UMAD1: variants seen among roughly 807,000 people sequenced by gnomAD.
UMAD1 encodes UBAP1-MVB12-associated (UMA) domain containing 1.
A neutral mutation model predicts 6.1 loss-of-function variants in UMAD1; 8 were observed. The observed-to-expected ratio is 1.30, with a 90% CI of 0.76 to 2.35. The LOEUF is 2.35. UMAD1 is among the 30% of genes most tolerant of loss of function. The probability of loss-of-function intolerance (pLI) is 0.00; values close to 1 mark genes in which losing one functional copy is unlikely to be tolerated. For synonymous variants in UMAD1, 56 were observed against 31.4 expected, an observed-to-expected ratio of 1.78 and a Z score of -2.61; for missense variants, 130 against 78.4, an observed-to-expected ratio of 1.66 and a Z score of -2.49.
At chr7:7,690,239 A>C (rs1305038393) in intron 2 of UMAD1, among the ~76,000 whole-genome samples, 1 of 152,174 alleles carries the variant, frequency 6.6e-6, no homozygotes, top group African/African-American at 2.4e-5. Flanking sequence ...ACATATTTGG[A>C]AATGTATTTC....
At chr7:7,819,545 A>G (rs560936860) in intron 3 of UMAD1, among the ~76,000 whole-genome samples, 2 of 152,314 alleles carry the variant, frequency 1.3e-5, no homozygotes, top group South Asian at 2.1e-4. Context: ...GAGGAGGGCC[A>G]TTTTGAGTTG....
intron 1 of UMAD1, among the ~76,000 whole-genome samples, chr7:7,670,158 A>G (rs1268862271): frequency 6.6e-6 from 1 of 152,182 alleles, no homozygotes; most frequent in Non-Finnish European, 1.5e-5. Flanking sequence ...ACTACACTTG[A>G]GTTTAGTCTG....
At chr7:7,779,125 T>C (rs992333092) in intron 2 of UMAD1, among the ~76,000 whole-genome samples, 1 of 152,192 alleles carries the variant, frequency 6.6e-6, no homozygotes, top group African/African-American at 2.4e-5. Context: ...TCACCTAGGT[T>C]TCATTTGCCC....
In UMAD1 at chr7:7,794,797, C is replaced by T. The variant is rs556425117; in HGVS notation, c.83-6873C>T. 2.0e-5 allele frequency among the ~76,000 whole-genome samples: 3 copies of T among 152,262 alleles called. No individual in the cohort carries two copies. The South Asian group carries it at 6.2e-4, about 32-fold the overall frequency. ...GGGAGATTACATCCGTAGAGAATCT[C>T]CTTCCCTTTCTAGATCTTTCCCAGA... On this transcript the variant is annotated intron_variant, in intron 2 of 3. Coordinates refer to ENST00000682710, the MANE Select transcript of UMAD1 (RefSeq NM_001302348.2).
intron 2 of UMAD1, among the ~76,000 whole-genome samples, chr7:7,782,295 A>G (rs185276104): frequency 6.6e-6 from 1 of 152,088 alleles, no homozygotes; most frequent in African/African-American, 2.4e-5. Flanking sequence ...TTTCTCACGT[A>G]TTCTCATATA....
chr7:7,829,394 C>CGACT (rs1783417086), intron 3 of UMAD1, among the ~76,000 whole-genome samples: 1 of 152,134 alleles, frequency 6.6e-6, no homozygotes, highest in African/African-American at 2.4e-5. Flanking sequence ...AATTTTTAAG[C>CGACT]ATCTACTTTG....
chr7:7,796,415 C>T (rs1040476919), intron 2 of UMAD1, among the ~76,000 whole-genome samples: 4 of 151,834 alleles, frequency 2.6e-5, no homozygotes, highest in Admixed American at 2.6e-4. Context: ...CCGCACCCGG[C>T]TAATTTTGCA....
chr7:7,703,173 C>A lies in UMAD1; in HGVS notation c.82+29720C>A, dbSNP rs886539526. Among the ~76,000 whole-genome samples the A allele has an allele frequency of 4.6e-5, 7 of 152,220 alleles. No individual in the cohort carries two copies. The East Asian group carries it at 1.2e-3, about 25-fold the overall frequency. On this transcript the variant is annotated intron_variant, in intron 2 of 3. Coordinates refer to ENST00000682710, the MANE Select transcript of UMAD1 (RefSeq NM_001302348.2). ...ATTTGCCGAAAATAATTACTGGTGC[C>A]CACTAAAATGGTGATTAAAATCCAC...
In UMAD1 at chr7:7,865,711, C is replaced by T. The variant is rs1583882806; in HGVS notation, c.157-11570C>T. On this transcript the variant is annotated intron_variant, in intron 3 of 3. Transcript: ENST00000682710. ...GCTGTTCATGTCCATTGTCCCCAAG[C>T]ATAGGCTACACCACAGCCCCTCCAG... Among the ~76,000 whole-genome samples the T allele has an allele frequency of 2.0e-5, 3 of 152,342 alleles. No individual in the cohort carries two copies. The Middle Eastern group carries it at 0.01, about 518-fold the overall frequency.
chr7:7,689,260 C>G (rs1428010594), intron 2 of UMAD1: 2 of 152,164 alleles, frequency 1.3e-5, no homozygotes, highest in African/African-American at 4.8e-5. Context: ...AGACTGCCAC[C>G]TCTTCTCGTG....
intron 1 of UMAD1, among the ~76,000 whole-genome samples, chr7:7,647,906 G>T (rs575854720): frequency 6.6e-6 from 1 of 152,274 alleles, no homozygotes; most frequent in African/African-American, 2.4e-5. Context: ...TGCCTGGCTT[G>T]GCTTTAAAGT....
chr7:7,860,250 T>G (rs1784088216), intron 3 of UMAD1, among the ~76,000 whole-genome samples: 1 of 152,138 alleles, frequency 6.6e-6, no homozygotes, highest in Non-Finnish European at 1.5e-5. Context: ...ATTATGATTT[T>G]TAAAGACAAG....
In UMAD1 at chr7:7,877,729, T is replaced by C. The variant is rs1558475; in HGVS notation, c.*191T>C. 0.14 allele frequency: 76,300 copies of C among 548,904 alleles called. 6,672 individuals are homozygous for C. Among genetic ancestry groups the C allele is most frequent in the African/African-American group, 0.28 (14,743 of 52,928 alleles). The allele number at this position is 548,904 out of a possible 1,614,324, so 34.0% of individuals were successfully genotyped here. On this transcript the variant is annotated 3_prime_UTR_variant, in exon 4 of 4. Transcript: ENST00000682710. ...TTGTATACAAATTGAACTTAAGTTC[T>C]ACTTCCTTTCTCCCATATAATAAAT...
At chr7:7,844,061 A>G (rs1334632271) in intron 3 of UMAD1, among the ~76,000 whole-genome samples, 2 of 152,216 alleles carry the variant, frequency 1.3e-5, no homozygotes, top group African/African-American at 4.8e-5. Context: ...ATGCCTGAAT[A>G]CTTATCCTAA....
Position 7,738,818 on chromosome 7 carries a change from T to C in UMAD1, c.83-62852T>C, listed in dbSNP as rs548521504. ...GCCAGTGTTTCTTTTACAGCTGCCA[T>C]GTGCAGGTGCCTTGACATGGCTGCA... On this transcript the variant is annotated intron_variant, in intron 2 of 3. Transcript: ENST00000682710. 5 of 152,372 alleles carry C rather than the reference T, an allele frequency of 3.3e-5. No individual in the cohort carries two copies. In the South Asian group the frequency reaches 8.3e-4, roughly 25 times the overall value. 9.4% of individuals were successfully genotyped at this position (152,372 alleles called of 1,614,324 possible).
intron 2 of UMAD1, chr7:7,738,816 C>T (rs1781408039): frequency 6.6e-6 from 1 of 152,202 alleles, no homozygotes; most frequent in Non-Finnish European, 1.5e-5. Context: ...TTACAGCTGC[C>T]ATGTGCAGGT....
In UMAD1 at chr7:7,648,577, G is replaced by A. The variant is rs181910024; in HGVS notation, c.-64+7756G>A. Among the ~76,000 whole-genome samples the A allele has an allele frequency of 2.9e-3, 445 of 152,268 alleles. 2 individuals are homozygous for A. The highest frequency in any genetic ancestry group is 3.9e-3 in the Non-Finnish European group (267 of 68,026). On this transcript the variant is annotated intron_variant, in intron 1 of 3. Transcript: ENST00000682710. Reference sequence around the variant, plus strand: ...TATAAAGAAAATAAAATTGGCAGGGGAATTGGCTCACTCCTGTAATCCCAG... The same window carrying A: ...TATAAAGAAAATAAAATTGGCAGGGAAATTGGCTCACTCCTGTAATCCCAG...
Position 7,703,704 on chromosome 7 carries a change from C to T in UMAD1, c.82+30251C>T, listed in dbSNP as rs577239773. Among the ~76,000 whole-genome samples the T allele has an allele frequency of 5.3e-5, 8 of 152,282 alleles. 1 individual carries two copies. The highest frequency in any genetic ancestry group is 1.9e-4 in the African/African-American group (8 of 41,548). ...GCAGACATCTCAGCACTTTGGGAAG[C>T]CGAGACTGGCAGATCGCTTGAGCCC... On this transcript the variant is annotated intron_variant, in intron 2 of 3. Transcript: ENST00000682710.
chr7:7,712,998 A>T (rs1306706253), intron 2 of UMAD1, among the ~76,000 whole-genome samples: 1 of 152,032 alleles, frequency 6.6e-6, no homozygotes, highest in South Asian at 2.1e-4. Flanking sequence ...AGACTAGCCT[A>T]TTGTGTCAAT....
Sources: gnomAD v4.1 joint callset for allele counts (sites outside exome capture counted in the v4.1 genomes callset) on GRCh38, gnomAD v4.1.1 for gene constraint, MANE v1.5 for transcripts, NCBI Gene and HGNC (gene_info 2026-07-23, HGNC 2026-07-21) for gene names.